LRRC9: variants seen among roughly 807,000 people sequenced by gnomAD.
LRRC9 encodes the protein leucine-rich repeat-containing protein 9.
A neutral mutation model predicts 63.2 loss-of-function variants in LRRC9; 122 were observed. The observed-to-expected ratio is 1.93, with a 90% CI of 1.67 to 2.24. The LOEUF (loss-of-function observed/expected upper bound fraction) is 2.24, where lower values mean the gene tolerates loss of function less well. Ranked by LOEUF, LRRC9 falls within the 30% of genes most tolerant of loss-of-function variation. The pLI is 0.00. For synonymous variants in LRRC9, 366 were observed against 213.1 expected (o/e 1.72, Z -6.25); for missense variants, 1,071 against 627.7 (o/e 1.71, Z -7.55).
rs796557075 is a variant in LRRC9 at position 59,934,014 on chromosome 14, G to A, written c.543+1975G>A. ...GTGATATGATCAGAAATGTTCTTTA[G>A]GGATAGTGATCTGGAGTTAGTGTTT... On this transcript the variant is annotated intron_variant, in intron 6 of 31. Coordinates refer to ENST00000445360, the Ensembl canonical transcript of LRRC9. Among the ~76,000 whole-genome samples the A allele has an allele frequency of 9.2e-5, 14 of 152,200 alleles. 1 individual carries two copies. The highest frequency in any genetic ancestry group is 2.2e-4 in the African/African-American group (9 of 41,532).
At chr14:60,037,129 T>A (rs1284303578) in intron 29 of LRRC9, among the ~76,000 whole-genome samples, 1 of 152,172 alleles carries the variant, frequency 6.6e-6, no homozygotes, top group Non-Finnish European at 1.5e-5. Flanking sequence ...TATTCCATGG[T>A]GTATATGTGC....
intron 27 of LRRC9, among the ~76,000 whole-genome samples, chr14:60,026,626 G>C (rs1451619402): frequency 2.6e-5 from 4 of 151,940 alleles, no homozygotes; most frequent in African/African-American, 9.7e-5. Context: ...TGCTTTTGAG[G>C]TATTACACAA....
chr14:59,975,113 GTATATATATATATGTATATATATA>G, intron 13 of LRRC9, among the ~76,000 whole-genome samples: 1 of 13,534 alleles, frequency 7.4e-5, no homozygotes, highest in South Asian at 1.7e-3. Flanking sequence ...ATATATATAT[GTATATATATATATGTATATATATA>G]TACATATATA....
rs543976583 is a variant in LRRC9, at chr14:59,952,331, T to G, written c.883-7487T>G. On this transcript the variant is annotated intron_variant, in intron 8 of 31. Coordinates refer to ENST00000445360, the Ensembl canonical transcript of LRRC9. ...TCCCTGACCCCTTGCGCTTCCCAGG[T>G]GAGGCAATGCCTCGCCTTGCTTCGG... 9.8e-5 allele frequency among the ~76,000 whole-genome samples: 15 copies of G among 152,330 alleles called. No individual in the cohort carries two copies. In the South Asian group the frequency reaches 3.1e-3, roughly 32 times the overall value.
At chr14:60,014,362 C>G (rs1890505532) in intron 23 of LRRC9, among the ~76,000 whole-genome samples, 1 of 151,948 alleles carries the variant, frequency 6.6e-6, no homozygotes, top group South Asian at 2.1e-4. Flanking sequence ...GTGCTTTCCT[C>G]TTTCCTGGCA....
chr14:60,032,228 G>T (rs928409162), intron 29 of LRRC9, among the ~76,000 whole-genome samples, 165 bp downstream of exon 29: 1 of 152,074 alleles, frequency 6.6e-6, no homozygotes, highest in African/African-American at 2.4e-5. Context: ...AGTGCAAACT[G>T]TTATTGTCAT....
rs559072968 is a variant in LRRC9, at chr14:60,033,777, G to T, written c.3990+1714G>T. Among the ~76,000 whole-genome samples, 189 of 151,642 alleles carry T rather than the reference G, an allele frequency of 1.2e-3. 1 individual carries two copies. The highest frequency in any genetic ancestry group is 3.9e-3 in the African/African-American group (163 of 41,330). On this transcript the variant is annotated intron_variant, in intron 29 of 31. Transcript: ENST00000445360. ...TTTTACTTGCTTCATAAAATAATTTGGGAGCATTCCCTCTTTCTCCAATCT... is the reference window on the plus strand; with the variant it reads ...TTTTACTTGCTTCATAAAATAATTTTGGAGCATTCCCTCTTTCTCCAATCT...
intron 22 of LRRC9, 27 bp downstream of exon 22, chr14:60,006,644 G>T: frequency 1.7e-6 from 1 of 575,194 alleles, no homozygotes; most frequent in South Asian, 2.2e-5. Flanking sequence ...TAATTTTTTT[G>T]TTTTTTAACA....
At chr14:60,062,039 G>A (rs116911191) in intron 31 of LRRC9, 10,381 of 398,602 alleles carry the variant, frequency 0.026, 200 homozygotes, top group South Asian at 0.054. Flanking sequence ...CTGGGATTCT[G>A]ACAAATAATC....
intron 7 of LRRC9, among the ~76,000 whole-genome samples, chr14:59,940,172 T>G (rs182741514): frequency 6.6e-6 from 1 of 152,222 alleles, no homozygotes; most frequent in East Asian, 1.9e-4. Flanking sequence ...AGACAGTTTC[T>G]GACATCTTAA....
intron 30 of LRRC9, among the ~76,000 whole-genome samples, chr14:60,055,783 T>C (rs1165122871): frequency 6.7e-6 from 1 of 150,104 alleles, no homozygotes; most frequent in East Asian, 2.0e-4. Flanking sequence ...CACATGCCTG[T>C]AGTCTCAGCT....
At position 60,053,806 on chromosome 14, in the gene LRRC9, C is replaced by A; in HGVS notation, c.4131+601C>A. The A allele has an allele frequency of 2.6e-6, 1 of 389,882 alleles. No homozygotes were observed. The highest frequency in any genetic ancestry group is 5.0e-6 in the Non-Finnish European group (1 of 201,570). 24.2% of individuals were successfully genotyped at this position (389,882 alleles called of 1,614,324 possible). A position where few individuals can be genotyped will look rare whatever the true frequency, so the allele number is the denominator to read the frequency against. On this transcript the variant is annotated intron_variant, in intron 30 of 31. Coordinates refer to ENST00000445360, the Ensembl canonical transcript of LRRC9. This position sits in a 1 kb window ranked among gnomAD's most constrained non-coding sequence, Gnocchi z 4.8. ...GTCATTTGAAAATTCTGTCTTTGACCACCTAGTTTCTTCATGACCATCTTC... is the reference window on the plus strand; with the variant it reads ...GTCATTTGAAAATTCTGTCTTTGACAACCTAGTTTCTTCATGACCATCTTC...
rs1458877013 is a variant in LRRC9, at chr14:59,938,986, CACACATATATACATATACATATAT to C, written c.726+426_726+449del. On this transcript the variant is annotated intron_variant, in intron 7 of 31. Transcript: ENST00000445360. This position sits in a 1 kb window ranked among gnomAD's most constrained non-coding sequence, Gnocchi z 4.2. ...ACATATATACATATATACATATATA[CACACATATATACATATACATATAT>C]ACACATATATATATACATATATACA... is the stretch of plus-strand genomic sequence containing the variant. Among the ~76,000 whole-genome samples, 28 of 140,790 alleles carry C rather than the reference CACACATATATACATATACATATAT, an allele frequency of 2.0e-4. No homozygotes were observed. Among genetic ancestry groups the C allele is most frequent in the Middle Eastern group, 4.0e-3 (1 of 250 alleles). 92.4% of individuals were successfully genotyped at this position (140,790 alleles called of 152,430 possible).
intron 23 of LRRC9, among the ~76,000 whole-genome samples, chr14:60,014,891 T>G (rs1032277731): frequency 2.0e-5 from 3 of 152,154 alleles, no homozygotes; most frequent in Non-Finnish European, 4.4e-5. Context: ...ATGAATCCAG[T>G]GATACTAATA....
chr14:60,039,520 A>T (rs1203153278), intron 29 of LRRC9, among the ~76,000 whole-genome samples: 1 of 152,020 alleles, frequency 6.6e-6, no homozygotes, highest in African/African-American at 2.4e-5. Flanking sequence ...GAATTTATCC[A>T]TTTCTTCTAG....
In LRRC9 at chr14:59,936,248, C is replaced by T. The variant is rs572745672; in HGVS notation, c.544-2142C>T. 6.6e-6 allele frequency among the ~76,000 whole-genome samples: 1 copy of T among 152,198 alleles called. No individual in the cohort carries two copies. Among genetic ancestry groups the T allele is most frequent in the Non-Finnish European group, 1.5e-5 (1 of 68,012 alleles). ...ATTATTATAAAAATTCATTGTGTGA[C>T]ATAATATTTAAAAAGGCTTTTTATG... On this transcript the variant is annotated intron_variant, in intron 6 of 31. Transcript: ENST00000445360. The surrounding 1 kb of genome is among the most constrained non-coding windows in gnomAD (Gnocchi z 4.2).
At chr14:60,038,170 C>CCAGTACTATGCTGTT (rs1892614803) in intron 29 of LRRC9, among the ~76,000 whole-genome samples, 12 of 152,096 alleles carry the variant, frequency 7.9e-5, no homozygotes, top group Admixed American at 7.9e-4. Context: ...TTACTGTAGC[C>CCAGTACTATGCTGTT]TTGTAGTATA....
At chr14:60,015,122 T>C (rs960378441) in intron 23 of LRRC9, among the ~76,000 whole-genome samples, 2 of 152,184 alleles carry the variant, frequency 1.3e-5, no homozygotes, top group Admixed American at 1.3e-4. Flanking sequence ...TCTAAAATTT[T>C]CATTTCATTC....
intron 10 of LRRC9, among the ~76,000 whole-genome samples, chr14:59,961,301 C>T (rs926174277): frequency 2.0e-5 from 3 of 152,050 alleles, no homozygotes; most frequent in Non-Finnish European, 4.4e-5. Context: ...TGCTCTTTAC[C>T]CAATTTTTCT....
Sources: allele counts gnomAD v4.1 joint callset (sites outside exome capture counted in the v4.1 genomes callset), GRCh38; gene constraint gnomAD v4.1.1; non-coding constraint Gnocchi (gnomAD v3.1); transcripts MANE v1.5; gene names NCBI Gene and HGNC (gene_info 2026-07-23, HGNC 2026-07-21).